Variants in MCM3AP observed in about 807,000 individuals in gnomAD.
MCM3AP encodes minichromosome maintenance complex component 3 associated protein.
In MCM3AP, 126 loss-of-function variants were observed where a neutral mutation model predicts 184.1. The observed-to-expected ratio is 0.68, with a 90% CI of 0.59 to 0.79. The LOEUF (loss-of-function observed/expected upper bound fraction) is 0.79, where lower values mean the gene tolerates loss of function less well. Among genes scored for constraint, MCM3AP ranks in the 30% least tolerant of loss-of-function variants. MCM3AP has a pLI of 0.00. For synonymous variants in MCM3AP, 1,002 were observed against 979.3 expected, an observed-to-expected ratio of 1.02 and a Z score of -0.43; for missense variants, 2,496 against 2,479.2, an observed-to-expected ratio of 1.01 and a Z score of -0.14.
At chr21:46,278,343 C>G (rs2100074790) in intron 4 of MCM3AP, among the ~76,000 whole-genome samples, 1 of 152,186 alleles carries the variant, frequency 6.6e-6, no homozygotes, top group African/African-American at 2.4e-5. Flanking sequence ...ATCAGGCATT[C>G]TCTCTCAGCT....
chr21:46,277,674 C>A lies in MCM3AP; in HGVS notation c.1711G>T (p.Glu571Ter). 6.2e-7 allele frequency: 1 copy of A among 1,604,944 alleles called. No homozygotes were observed. Among genetic ancestry groups the A allele is most frequent in the East Asian group, 2.3e-5 (1 of 44,202 alleles). The change falls in exon 5 of 28, where the codon GAG becomes TAG. Residue 571 changes from glutamate (E) to a stop codon, truncating the protein, a stop_gained. Coordinates refer to ENST00000291688, the MANE Select transcript of MCM3AP (RefSeq NM_003906.5). LOFTEE classifies it high-confidence loss of function. The part of the protein sequence containing the change: ...KPSLLKAHQF[E>*]GDSFDSASEG... ...GAGGCTGAGTCAAAAGAGTCTCCCTCGAATTGGTGGGCCTTTAGAAGACTT... is the reference window on the plus strand; with the variant it reads ...GAGGCTGAGTCAAAAGAGTCTCCCTAGAATTGGTGGGCCTTTAGAAGACTT...
At chr21:46,261,701 C>T (rs751436387) in intron 13 of MCM3AP, among the ~76,000 whole-genome samples, 1 of 149,424 alleles carries the variant, frequency 6.7e-6, no homozygotes, top group Non-Finnish European at 1.5e-5. Flanking sequence ...TCACTGTACT[C>T]CAGCCTGGGC....
Position 46,243,182 on chromosome 21 carries a change from T to C in MCM3AP, c.5297-251A>G, listed in dbSNP as rs528312023. On this transcript the variant is annotated intron_variant, in intron 24 of 27. Coordinates refer to ENST00000291688, the MANE Select transcript of MCM3AP (RefSeq NM_003906.5). ...CACTCAAAGTCCAGACAAGCTTACA[T>C]CGAGACTGGCAGGGCCAGTAATGAC... 4.6e-5 allele frequency among the ~76,000 whole-genome samples: 7 copies of C among 152,106 alleles called. No homozygotes were observed. In the South Asian group the frequency reaches 1.5e-3, roughly 32 times the overall value.
chr21:46,284,620 T>A lies in MCM3AP; in HGVS notation c.667A>T (p.Thr223Ser), dbSNP rs987312665. ...ACATTTTGGTTTGACAAAGCAGGGG[T>A]AAAGGCAGATAATGAATTATTACTA... ...VSSNNSLSAF[T>S]PALSNQNVEE... The change falls in exon 1 of 28, where the codon ACC becomes TCC. Residue 223 changes from threonine (T) to serine (S), a missense_variant. Physicochemically the swap from Thr to Ser is moderately conservative, Grantham distance 58. Around this residue, in one of 5 missense-constraint regions of MCM3AP, gnomAD observed 800 missense variants for 717.1 expected, o/e 1.12. Transcript: ENST00000291688. 28 of 1,613,996 alleles carry A rather than the reference T, an allele frequency of 1.7e-5. No individual in the cohort carries two copies. In the Admixed American group the frequency reaches 3.5e-4, roughly 20 times the overall value.
In MCM3AP at chr21:46,260,807, G is replaced by A. The variant is rs1250298371; in HGVS notation, c.3567C>T (p.Cys1189=). ...RVMMEFVRET[C]SQELKNAVET... ...GTTTCACTTACTTCAACTCCTGGGAGCAGGTTTCCCTCACAAACTCCATCA... is the reference window on the plus strand; with the variant it reads ...GTTTCACTTACTTCAACTCCTGGGAACAGGTTTCCCTCACAAACTCCATCA... The change falls in exon 15 of 28, where the codon TGC becomes TGT. Residue 1189 remains cysteine, a synonymous_variant. Transcript: ENST00000291688. 6 of 1,613,542 alleles carry A rather than the reference G, an allele frequency of 3.7e-6. No individual in the cohort carries two copies. The highest frequency in any genetic ancestry group is 1.7e-5 in the Admixed American group (1 of 60,018).
At chr21:46,241,233 A>G (rs923356081) in intron 25 of MCM3AP, 1 of 566,168 alleles carries the variant, frequency 1.8e-6, no homozygotes, top group African/African-American at 1.9e-5. Flanking sequence ...CAGCCCCTGC[A>G]CTGTAGGGAC....
intron 16 of MCM3AP, among the ~76,000 whole-genome samples, chr21:46,257,798 G>A (rs1425433613): frequency 3.9e-5 from 6 of 151,922 alleles, no homozygotes; most frequent in Admixed American, 6.6e-5. Flanking sequence ...GGTGGCGCAC[G>A]CCTGTAGTCC....
intron 5 of MCM3AP, 88 bp from the exon 6 acceptor site, chr21:46,275,413 T>A: frequency 9.3e-7 from 1 of 1,071,820 alleles, no homozygotes; most frequent in Non-Finnish European, 1.3e-6. Flanking sequence ...AAAAAGAAAT[T>A]AAAACTTAAA....
rs1292690972 is a variant in MCM3AP, at chr21:46,243,410, C to G, written c.5296+55G>C. On this transcript the variant is annotated intron_variant, in intron 24 of 27. Coordinates refer to ENST00000291688, the MANE Select transcript of MCM3AP (RefSeq NM_003906.5). ...AACTAAACATCTTCCTTTGCAGAAA[C>G]TGGACCAGGAAAGTCTCGTGAGGAG... 25 of 1,530,508 alleles carry G rather than the reference C, an allele frequency of 1.6e-5. No homozygotes were observed. In the Admixed American group the frequency reaches 4.9e-4, roughly 30 times the overall value. 94.8% of individuals were successfully genotyped at this position (1,530,508 alleles called of 1,614,324 possible). A position where few individuals can be genotyped will look rare whatever the true frequency, so the allele number is the denominator to read the frequency against.
chr21:46,241,098 CACATGTGCATTAACATGTAAGA>C, intron 25 of MCM3AP, 81 bp from the exon 26 acceptor site: 2 of 1,032,770 alleles, frequency 1.9e-6, no homozygotes, highest in Non-Finnish European at 3.0e-6. Flanking sequence ...GATACATTTG[CACATGTGCATTAACATGTAAGA>C]ACATGTGCCT....
intron 13 of MCM3AP, among the ~76,000 whole-genome samples, chr21:46,263,078 CCAG>C (rs2145670422): frequency 1.3e-5 from 2 of 151,662 alleles, no homozygotes; most frequent in East Asian, 3.9e-4. Flanking sequence ...ACCTGTAATC[CCAG>C]CAGTTTAGGA....
chr21:46,254,397 A>G lies in MCM3AP; in HGVS notation c.4131T>C (p.Cys1377=), dbSNP rs17183102. The change falls in exon 19 of 28, where the codon TGT becomes TGC. Residue 1377 remains cysteine, a synonymous_variant. Transcript: ENST00000291688. ...AGGGGAAAACCCTTCCTGACCTGCCACAACTCTCTGGGGACTGCTCCTCTA... is the reference window on the plus strand; with the variant it reads ...AGGGGAAAACCCTTCCTGACCTGCCGCAACTCTCTGGGGACTGCTCCTCTA... ...PDVEEQSPES[C]GRILANWLKV... The G allele has an allele frequency of 6.2e-7, 1 of 1,614,210 alleles. No individual in the cohort carries two copies.
At chr21:46,276,040 T>G (rs533714885) in intron 5 of MCM3AP, among the ~76,000 whole-genome samples, 2 of 152,176 alleles carry the variant, frequency 1.3e-5, no homozygotes, top group East Asian at 3.9e-4. Flanking sequence ...TCACCTGAGG[T>G]CGGGAGTTCG....
At chr21:46,238,802 T>G (rs1375372721) in intron 26 of MCM3AP, among the ~76,000 whole-genome samples, 2 of 152,186 alleles carry the variant, frequency 1.3e-5, no homozygotes, top group South Asian at 2.1e-4. Context: ...CAAAACATAT[T>G]CATTAAGCCT....
intron 15 of MCM3AP, chr21:46,259,527 T>G (rs1460103066): frequency 6.5e-6 from 1 of 152,722 alleles, no homozygotes. Flanking sequence ...CCTAGCTCTT[T>G]GCGAGGCCAA....
intron 6 of MCM3AP, among the ~76,000 whole-genome samples, chr21:46,273,968 C>T (rs984359841): frequency 3.9e-5 from 6 of 152,330 alleles, no homozygotes; most frequent in African/African-American, 9.6e-5. Flanking sequence ...CAGAGACAGG[C>T]GGTGAGGACT....
chr21:46,262,272 G>T (rs184612400), intron 13 of MCM3AP, among the ~76,000 whole-genome samples: 39 of 152,312 alleles, frequency 2.6e-4, no homozygotes, highest in African/African-American at 6.7e-4. Context: ...TCAAAAAACT[G>T]AAGAGGAGGG....
intron 9 of MCM3AP, among the ~76,000 whole-genome samples, chr21:46,270,088 T>G (rs184093449): frequency 9.2e-5 from 14 of 152,318 alleles, no homozygotes; most frequent in Admixed American, 2.6e-4. Flanking sequence ...GCATATGATA[T>G]GAGATTTTTG....
At chr21:46,274,334 A>T (rs1261197542) in intron 6 of MCM3AP, among the ~76,000 whole-genome samples, 2 of 152,242 alleles carry the variant, frequency 1.3e-5, no homozygotes, top group Admixed American at 6.5e-5. Context: ...CAGTAATTTA[A>T]TTCTTAGGAT....
Sources: gnomAD v4.1 joint callset for allele counts (sites outside exome capture counted in the v4.1 genomes callset) on GRCh38, gnomAD v4.1.1 for gene constraint, gnomAD v4.1.1 regional missense constraint, MANE v1.5 for transcripts, NCBI Gene and HGNC (gene_info 2026-07-23, HGNC 2026-07-21) for gene names.